The following FBXL7 variants were observed in gnomAD, a reference collection of about 807,000 sequenced individuals.
FBXL7 encodes the protein F-box/LRR-repeat protein 7.
Under a neutral mutation model 38.3 loss-of-function variants are expected in FBXL7, and 12 were observed. The ratio of observed to expected loss-of-function variants is 0.31; its 90% CI spans 0.20 to 0.51. The LOEUF (loss-of-function observed/expected upper bound fraction) is 0.51. Among genes scored for constraint, FBXL7 ranks in the 20% least tolerant of loss-of-function variants. The probability of loss-of-function intolerance (pLI) is 0.98; values close to 1 mark genes in which losing one functional copy is unlikely to be tolerated. For missense variants in FBXL7, 567 were observed against 676.4 expected (o/e 0.84, Z 1.79); for synonymous variants, 297 against 300.9 (o/e 0.99, Z 0.13).
At chr5:15,527,108 A>T (rs1446176405) in intron 1 of FBXL7, among the ~76,000 whole-genome samples, 2 of 152,162 alleles carry the variant, frequency 1.3e-5, no homozygotes, top group African/African-American at 4.8e-5. Flanking sequence ...TAGAAAACGT[A>T]CACTGTTTTG....
Position 15,525,719 on chromosome 5 carries a change from A to G in FBXL7, c.37+25006A>G, listed in dbSNP as rs150729262. On this transcript the variant is annotated intron_variant, in intron 1 of 3. Coordinates refer to ENST00000504595, the MANE Select transcript of FBXL7 (RefSeq NM_012304.5). ...TTGTATGAGAGAAGGCGATATTCTTATATTTAAGAGGAGTCCTCAAAATGT... is the reference window on the plus strand; with the variant it reads ...TTGTATGAGAGAAGGCGATATTCTTGTATTTAAGAGGAGTCCTCAAAATGT... 6.6e-5 allele frequency among the ~76,000 whole-genome samples: 10 copies of G among 152,292 alleles called. No individual in the cohort carries two copies. The East Asian group carries it at 1.9e-3, about 29-fold the overall frequency.
chr5:15,715,816 A>G (rs952688563), intron 2 of FBXL7, among the ~76,000 whole-genome samples: 7 of 152,216 alleles, frequency 4.6e-5, no homozygotes, highest in Non-Finnish European at 1.0e-4. Context: ...CTACTTGCCC[A>G]CCGAACTAGA....
Position 15,673,955 on chromosome 5 carries a change from C to T in FBXL7, c.127+57883C>T, listed in dbSNP as rs150838814. On this transcript the variant is annotated intron_variant, in intron 2 of 3. Coordinates refer to ENST00000504595, the MANE Select transcript of FBXL7 (RefSeq NM_012304.5). ...GAGCAGATTATCTTGCAAGTGAGAA[C>T]GTGCGTTTGGATGTAAATCTGCAAT... is the stretch of plus-strand genomic sequence containing the variant. 3.3e-5 allele frequency among the ~76,000 whole-genome samples: 5 copies of T among 152,238 alleles called. No homozygotes were observed. In the East Asian group the frequency reaches 7.7e-4, roughly 24 times the overall value.
chr5:15,562,727 C>T (rs919203032), intron 1 of FBXL7, among the ~76,000 whole-genome samples: 4 of 152,062 alleles, frequency 2.6e-5, no homozygotes, highest in South Asian at 2.1e-4. Context: ...CCTTTCCCCT[C>T]CTCCTTCCCT....
intron 2 of FBXL7, among the ~76,000 whole-genome samples, chr5:15,900,219 T>C (rs1347016356): frequency 6.6e-6 from 1 of 152,176 alleles, no homozygotes. Context: ...ATCTTAAACC[T>C]GAGGTTACAG....
chr5:15,542,513 T>G (rs1035230408), intron 1 of FBXL7, among the ~76,000 whole-genome samples: 4 of 152,190 alleles, frequency 2.6e-5, no homozygotes, highest in Non-Finnish European at 5.9e-5. Context: ...AATTTAATAT[T>G]TTTTCCAGTA....
intron 2 of FBXL7, among the ~76,000 whole-genome samples, chr5:15,714,744 G>A (rs946013608): frequency 1.3e-5 from 2 of 151,498 alleles, no homozygotes; most frequent in Admixed American, 6.6e-5. Context: ...AGCTACTCGG[G>A]AGGCTGAGGC....
chr5:15,589,146 G>C (rs1333149769), intron 1 of FBXL7, among the ~76,000 whole-genome samples: 1 of 152,182 alleles, frequency 6.6e-6, no homozygotes, highest in Non-Finnish European at 1.5e-5. Context: ...GTAACTTTGG[G>C]TATTAGTAAG....
chr5:15,899,136 G>A (rs180679678), intron 2 of FBXL7, among the ~76,000 whole-genome samples: 52 of 151,972 alleles, frequency 3.4e-4, no homozygotes, highest in African/African-American at 1.1e-3. Context: ...GTGCAATCTC[G>A]GCTCACCGCA....
At chr5:15,925,708 T>G (rs1741861443) in intron 2 of FBXL7, among the ~76,000 whole-genome samples, 1 of 152,284 alleles carries the variant, frequency 6.6e-6, no homozygotes, top group Non-Finnish European at 1.5e-5. Flanking sequence ...CTCAGTTCAC[T>G]TATTTTATAG....
intron 1 of FBXL7, among the ~76,000 whole-genome samples, chr5:15,588,015 A>T (rs1428527602): frequency 6.6e-6 from 1 of 152,144 alleles, no homozygotes; most frequent in Non-Finnish European, 1.5e-5. Flanking sequence ...CCTCACTGTT[A>T]TGCCAGGTTG....
In FBXL7 at chr5:15,537,092, A is replaced by G. The variant is rs1052356494; in HGVS notation, c.37+36379A>G. ...TGCTTCCCCTTCATTTTCTGCCATC[A>G]TGAGAAGTTTCCTGAGGACTTCGCA... is the stretch of plus-strand genomic sequence containing the variant. On this transcript the variant is annotated intron_variant, in intron 1 of 3. Coordinates refer to ENST00000504595, the MANE Select transcript of FBXL7 (RefSeq NM_012304.5). 3.9e-5 allele frequency among the ~76,000 whole-genome samples: 6 copies of G among 152,160 alleles called. No individual in the cohort carries two copies. In the East Asian group the frequency reaches 1.2e-3, roughly 29 times the overall value.
chr5:15,677,474 A>AAGAG (rs1554013981), intron 2 of FBXL7, among the ~76,000 whole-genome samples: 3 of 149,084 alleles, frequency 2.0e-5, no homozygotes, highest in African/African-American at 7.5e-5. Flanking sequence ...AAAAGAAAGA[A>AAGAG]AGAGAGAGAG....
At chr5:15,616,216 T>G (rs1401725071) in intron 2 of FBXL7, 144 bp downstream of exon 2, 3 of 571,970 alleles carry the variant, frequency 5.2e-6, no homozygotes, top group African/African-American at 1.9e-5. Flanking sequence ...CAGGGTCTCC[T>G]AAGTTTTGTT....
At chr5:15,934,040 T>C (rs1742111793) in intron 3 of FBXL7, among the ~76,000 whole-genome samples, 1 of 152,208 alleles carries the variant, frequency 6.6e-6, no homozygotes, top group African/African-American at 2.4e-5. Context: ...AGTCTTGCCC[T>C]GTCACCTAGG....
intron 2 of FBXL7, among the ~76,000 whole-genome samples, chr5:15,671,848 C>T (rs1742488036): frequency 6.6e-6 from 1 of 152,168 alleles, no homozygotes. Context: ...AAGGCTTGGT[C>T]TGATCAATCT....
intron 2 of FBXL7, among the ~76,000 whole-genome samples, chr5:15,861,215 G>A (rs1739459695): frequency 1.3e-5 from 2 of 152,164 alleles, no homozygotes; most frequent in African/African-American, 2.4e-5. Context: ...TCAGACACAG[G>A]CACAAGCTCC....
At chr5:15,724,908 G>A (rs892929686) in intron 2 of FBXL7, among the ~76,000 whole-genome samples, 1 of 152,148 alleles carries the variant, frequency 6.6e-6, no homozygotes, top group African/African-American at 2.4e-5. Context: ...CGATTACTGT[G>A]TTGAGTATTG....
chr5:15,728,300 A>G (rs1283400378), intron 2 of FBXL7, among the ~76,000 whole-genome samples: 1 of 152,102 alleles, frequency 6.6e-6, no homozygotes, highest in African/African-American at 2.4e-5. Flanking sequence ...ATTTTTTATT[A>G]AAATTGTACA....
Sources: gnomAD v4.1 joint callset for allele counts (sites outside exome capture counted in the v4.1 genomes callset) on GRCh38, gnomAD v4.1.1 for gene constraint, MANE v1.5 for transcripts, NCBI Gene and HGNC (gene_info 2026-07-23, HGNC 2026-07-21) for gene names.